TENM2: variants seen among roughly 807,000 people sequenced by gnomAD.
The protein encoded by TENM2 is teneurin-2.
Under a neutral mutation model 245.2 loss-of-function variants are expected in TENM2, and 52 were observed. The ratio of observed to expected loss-of-function variants is 0.21; its 90% confidence interval spans 0.17 to 0.27. The LOEUF (loss-of-function observed/expected upper bound fraction) is 0.27. Among genes scored for constraint, TENM2 ranks in the 10% least tolerant of loss-of-function variants. TENM2 has a pLI of 1.00. For missense variants in TENM2, 3,046 were observed against 3,666.8 expected, an observed-to-expected ratio of 0.83 and a Z score of 4.37; for synonymous variants, 1,363 against 1,438.9, an observed-to-expected ratio of 0.95 and a Z score of 1.19.
chr5:168,183,788 T>C lies in TENM2; in HGVS notation c.2570-6549T>C, dbSNP rs552570980. On this transcript the variant is annotated intron_variant, in intron 13 of 28. Coordinates refer to ENST00000518659, the Ensembl canonical transcript of TENM2. Reference sequence around the variant, plus strand: ...GGGAAGTGACAGCTTGGCAAGCACCTAGCTCTGTATAGGTAAAAAAAAAAC... The same window carrying C: ...GGGAAGTGACAGCTTGGCAAGCACCCAGCTCTGTATAGGTAAAAAAAAAAC... Among the ~76,000 whole-genome samples, 3 of 148,074 alleles carry C rather than the reference T, an allele frequency of 2.0e-5. No homozygotes were observed. In the South Asian group the frequency reaches 6.4e-4, roughly 31 times the overall value.
the TENM2 span, among the ~76,000 whole-genome samples, chr5:167,107,219 G>A: frequency 1.8e-4 from 27 of 151,782 alleles, no homozygotes; most frequent in African/African-American, 5.3e-4. Flanking sequence ...CCGAGACTGC[G>A]CCATTGCACT....
chr5:167,097,071 C>G, the TENM2 span, among the ~76,000 whole-genome samples: 1 of 152,156 alleles, frequency 6.6e-6, no homozygotes, highest in African/African-American at 2.4e-5. Flanking sequence ...TGTCATCCAT[C>G]TAAATGCTAA....
upstream of TENM2, among the ~76,000 whole-genome samples, chr5:167,284,237 A>G (rs111731587): frequency 1.3e-5 from 2 of 151,048 alleles, no homozygotes; most frequent in African/African-American, 4.8e-5. Flanking sequence ...AAAGCTAGGA[A>G]ATGTTATGTT....
chr5:168,129,549 A>C (rs1754381182), intron 12 of TENM2: 1 of 152,218 alleles, frequency 6.6e-6, no homozygotes, highest in Non-Finnish European at 1.5e-5. Context: ...TTAGTAGGAC[A>C]TGTGCCATCT....
At chr5:167,106,424 A>G in the TENM2 span, among the ~76,000 whole-genome samples, 1 of 152,226 alleles carries the variant, frequency 6.6e-6, no homozygotes, top group African/African-American at 2.4e-5. Context: ...AGAAATACAG[A>G]TAGCATGTTG....
chr5:167,168,713 T>C, the TENM2 span, among the ~76,000 whole-genome samples: 22 of 152,328 alleles, frequency 1.4e-4, no homozygotes, highest in Middle Eastern at 3.4e-3. Flanking sequence ...GAGTGTGTAA[T>C]ACATGTTTGT....
the TENM2 span, among the ~76,000 whole-genome samples, chr5:167,125,833 A>AGTCCACTTAT: frequency 6.6e-6 from 1 of 152,206 alleles, no homozygotes; most frequent in Admixed American, 6.5e-5. Context: ...ATAATTGTTA[A>AGTCCACTTAT]GTCCACTTAT....
At chr5:167,215,503 A>G in the TENM2 span, among the ~76,000 whole-genome samples, 48 of 152,140 alleles carry the variant, frequency 3.2e-4, no homozygotes, top group African/African-American at 1.2e-3. Context: ...AGAGGCAGGG[A>G]GCTCCCAGGC....
intron 2 of TENM2, among the ~76,000 whole-genome samples, chr5:167,548,393 G>A (rs1383494401): frequency 1.3e-5 from 2 of 152,198 alleles, no homozygotes; most frequent in Non-Finnish European, 2.9e-5. Context: ...GGTGTAAACT[G>A]TCTAGCTCCC....
the TENM2 span, among the ~76,000 whole-genome samples, chr5:167,188,987 T>C: frequency 6.6e-6 from 1 of 152,164 alleles, no homozygotes; most frequent in Non-Finnish European, 1.5e-5. Flanking sequence ...CACTGAGGCT[T>C]ATTTATTTGC....
At chr5:167,983,966 C>G (rs955690803) in intron 4 of TENM2, among the ~76,000 whole-genome samples, 17 of 152,212 alleles carry the variant, frequency 1.1e-4, no homozygotes, top group African/African-American at 3.9e-4. Context: ...CTCCTGCCCT[C>G]AAGCCATTAA....
At chr5:167,616,784 A>G (rs1777816880) in intron 2 of TENM2, among the ~76,000 whole-genome samples, 1 of 152,098 alleles carries the variant, frequency 6.6e-6, no homozygotes, top group Non-Finnish European at 1.5e-5. Context: ...CAAACATAAA[A>G]AGGGCAATGC....
chr5:168,057,699 G>A (rs546966583), intron 6 of TENM2, among the ~76,000 whole-genome samples: 1 of 152,144 alleles, frequency 6.6e-6, no homozygotes, highest in South Asian at 2.1e-4. Flanking sequence ...TTACACAAAA[G>A]GCAAATTAAG....
At chr5:168,113,119 C>A (rs2152319989) in intron 9 of TENM2, among the ~76,000 whole-genome samples, 1 of 152,226 alleles carries the variant, frequency 6.6e-6, no homozygotes, top group African/African-American at 2.4e-5. Context: ...GACTTCGAGT[C>A]CAGACAGGGC....
chr5:167,350,765 T>TATATATATATGGGATATATATATACGG (rs1758825378), intron 1 of TENM2, among the ~76,000 whole-genome samples: 1 of 132,398 alleles, frequency 7.6e-6, no homozygotes, highest in Non-Finnish European at 1.6e-5. Flanking sequence ...TACATATGGA[T>TATATATATATGGGATATATATATACGG]ATATATATAT....
At chr5:167,021,980 G>A in the TENM2 span, among the ~76,000 whole-genome samples, 1 of 152,270 alleles carries the variant, frequency 6.6e-6, no homozygotes, top group Admixed American at 6.5e-5. Context: ...ATTAATGTAT[G>A]CTAGTTACTA....
At chr5:167,207,693 C>T in the TENM2 span, among the ~76,000 whole-genome samples, 2 of 152,240 alleles carry the variant, frequency 1.3e-5, no homozygotes, top group South Asian at 4.1e-4. Flanking sequence ...AATGAGACAG[C>T]GTGCATGAGA....
chr5:167,198,154 C>G, the TENM2 span, among the ~76,000 whole-genome samples: 47 of 151,966 alleles, frequency 3.1e-4, no homozygotes, highest in African/African-American at 1.1e-3. Flanking sequence ...TGCAGGAAAC[C>G]ATAGAACGCT....
chr5:167,043,789 C>T, the TENM2 span, among the ~76,000 whole-genome samples: 3 of 152,034 alleles, frequency 2.0e-5, no homozygotes, highest in Non-Finnish European at 4.4e-5. Context: ...AGGCGTGATC[C>T]GAGGTGGGCG....
Sources: gnomAD v4.1 joint callset for allele counts (sites outside exome capture counted in the v4.1 genomes callset) on GRCh38, gnomAD v4.1.1 for gene constraint, MANE v1.5 for transcripts, NCBI Gene and HGNC (gene_info 2026-07-23, HGNC 2026-07-21) for gene names.